TMX4: variants seen among roughly 807,000 people sequenced by gnomAD.
TMX4 encodes the protein thioredoxin related transmembrane protein 4.
A neutral mutation model predicts 33.3 loss-of-function variants in TMX4; 23 were observed. That is an observed-to-expected ratio of 0.69 (90% CI 0.50 to 0.98). The LOEUF is 0.98. Among genes scored for constraint, TMX4 ranks in the 50% least tolerant of loss-of-function variants. The pLI is 0.00. For synonymous variants in TMX4, 164 were observed against 161.5 expected, an observed-to-expected ratio of 1.02 and a Z score of -0.12; for missense variants, 399 against 448.9, an observed-to-expected ratio of 0.89 and a Z score of 1.01.
chr20:8,011,156 T>G (rs958146735), intron 1 of TMX4, among the ~76,000 whole-genome samples: 2 of 152,142 alleles, frequency 1.3e-5, no homozygotes, highest in Non-Finnish European at 2.9e-5. Context: ...CTGAGCATTT[T>G]TAAAATGCCA....
At chr20:7,991,566 T>C (rs1433051664) in intron 5 of TMX4, among the ~76,000 whole-genome samples, 1 of 152,170 alleles carries the variant, frequency 6.6e-6, no homozygotes, top group Non-Finnish European at 1.5e-5. Context: ...GCATTTTGGA[T>C]TTTGGATTTT....
chr20:7,987,134 A>C (rs906912084), intron 6 of TMX4, among the ~76,000 whole-genome samples, 154 bp downstream of exon 6: 2 of 151,916 alleles, frequency 1.3e-5, no homozygotes, highest in African/African-American at 4.8e-5. Flanking sequence ...TCACATTACC[A>C]TTGAAAGCAG....
chr20:8,007,134 T>C (rs2050734404), intron 2 of TMX4, among the ~76,000 whole-genome samples: 1 of 152,214 alleles, frequency 6.6e-6, no homozygotes. Context: ...AGATCATAGA[T>C]AATCTGAATT....
rs1348211895 is a variant in TMX4, at chr20:7,978,922, G to C, written c.*3329C>G. The C allele has an allele frequency of 2.0e-5, 3 of 152,122 alleles. No individual in the cohort carries two copies. Among genetic ancestry groups the C allele is most frequent in the South Asian group, 4.1e-4 (2 of 4,820 alleles). The allele number at this position is 152,122 out of a possible 1,614,324, so 9.4% of individuals were successfully genotyped here. On this transcript the variant is annotated 3_prime_UTR_variant, in exon 8 of 8. Transcript: ENST00000246024. Reference sequence around the variant, plus strand: ...AAACTTTCCTTCTAATTGATGAAAAGATACCCTGCTCCAACTCCCCAAACA... The same window carrying C: ...AAACTTTCCTTCTAATTGATGAAAACATACCCTGCTCCAACTCCCCAAACA...
Position 8,010,329 on chromosome 20 carries a change from A to AT in TMX4, c.177-15dup, listed in dbSNP as rs2050747907. ...CATGGGGCGTAACTATAAGAGAAGA[A>AT]TAAGAATTATATTGATAAATATACA... On this transcript the variant is annotated splice_polypyrimidine_tract_variant and intron_variant, in intron 1 of 7. Transcript: ENST00000246024. The AT allele has an allele frequency of 6.4e-7, 1 of 1,556,804 alleles. No homozygotes were observed. The highest frequency in any genetic ancestry group is 1.4e-5 in the African/African-American group (1 of 73,326).
chr20:7,993,656 T>C (rs1472641795), intron 5 of TMX4, among the ~76,000 whole-genome samples: 1 of 152,066 alleles, frequency 6.6e-6, no homozygotes, highest in East Asian at 1.9e-4. Flanking sequence ...GAGACCTACC[T>C]ACAGATCTGA....
intron 4 of TMX4, among the ~76,000 whole-genome samples, chr20:7,996,879 G>A (rs2050678732): frequency 6.6e-6 from 1 of 152,042 alleles, no homozygotes; most frequent in South Asian, 2.1e-4. Context: ...TACACATGCT[G>A]TTTCTTCTCT....
At position 7,978,612 on chromosome 20, in the gene TMX4, A is replaced by G. The variant is rs1349041464; in HGVS notation, c.*3639T>C. 1 of 152,142 alleles carries G rather than the reference A, an allele frequency of 6.6e-6. No homozygotes were observed. The highest frequency in any genetic ancestry group is 1.5e-5 in the Non-Finnish European group (1 of 68,026). 9.4% of individuals were successfully genotyped at this position (152,142 alleles called of 1,614,324 possible). On this transcript the variant is annotated 3_prime_UTR_variant, in exon 8 of 8. Coordinates refer to ENST00000246024, the MANE Select transcript of TMX4 (RefSeq NM_021156.4). The stretch of plus-strand genomic sequence containing the variant: ...AGCTGAAGCTTATCTATTTTCTACT[A>G]CAGTAGTTATTTTGAATGTATAGAG...
At chr20:8,009,861 T>TAAAAAAAAAAAAAAAAAAA (rs11289988) in intron 2 of TMX4, among the ~76,000 whole-genome samples, 1 of 84,606 alleles carries the variant, frequency 1.2e-5, no homozygotes. Context: ...CAAAAAACTG[T>TAAAAAAAAAAAAAAAAAAA]AAAAAAAAAA....
Position 8,009,807 on chromosome 20 carries a change from T to A in TMX4, c.292+393A>T, listed in dbSNP as rs185172317. 4.1e-3 allele frequency among the ~76,000 whole-genome samples: 596 copies of A among 147,078 alleles called. 6 individuals carry two copies. The highest frequency in any genetic ancestry group is 0.013 in the African/African-American group (526 of 39,298). ...GTTGATTGCAAGAGACTAAAAAGACTTAACAACCAAATGTAATTTATGAAC... is the reference window on the plus strand; with the variant it reads ...GTTGATTGCAAGAGACTAAAAAGACATAACAACCAAATGTAATTTATGAAC... On this transcript the variant is annotated intron_variant, in intron 2 of 7. Transcript: ENST00000246024.
rs746068803 is a variant in TMX4, at chr20:7,982,439, C to T, written c.862G>A (p.Gly288Ser). The part of the protein sequence containing the change: ...EEEEEDNLAA[G>S]VDEERSEAND... ...GCCTCACTTCTCTCCTCATCCACAC[C>T]AGCAGCCAAGTTGTCCTCCTCCTCT... The change falls in exon 8 of 8, where the codon GGT (glycine) becomes AGT (serine). Residue 288 changes from glycine to serine, a missense_variant. By Grantham distance (56) the Gly-to-Ser change is moderately conservative. Coordinates refer to ENST00000246024, the MANE Select transcript of TMX4 (RefSeq NM_021156.4). 17 of 1,614,038 alleles carry T rather than the reference C, an allele frequency of 1.1e-5. No homozygotes were observed. In the East Asian group the frequency reaches 3.6e-4, roughly 34 times the overall value.
chr20:8,018,343 G>GTGTCTC (rs1568540879), intron 1 of TMX4, among the ~76,000 whole-genome samples: 2 of 88,336 alleles, frequency 2.3e-5, no homozygotes, highest in Admixed American at 1.2e-4. Context: ...GAGAGAGAGA[G>GTGTCTC]AGGAGGGAGA....
At chr20:8,018,805 TA>T (rs1360230954) in intron 1 of TMX4, 1 of 237,254 alleles carries the variant, frequency 4.2e-6, no homozygotes, top group Admixed American at 5.9e-5. Flanking sequence ...TTACAAGTTA[TA>T]ATAAGTATCA....
intron 5 of TMX4, among the ~76,000 whole-genome samples, chr20:7,991,135 G>A (rs577317184): frequency 2.0e-5 from 3 of 152,140 alleles, no homozygotes; most frequent in East Asian, 1.9e-4. Context: ...TTTCTGTCAC[G>A]TCATTCTAAT....
chr20:8,010,515 G>GA (rs2050748642), intron 1 of TMX4, among the ~76,000 whole-genome samples, 200 bp from the exon 2 acceptor site: 1 of 152,042 alleles, frequency 6.6e-6, no homozygotes, highest in Non-Finnish European at 1.5e-5. Context: ...AATTCTATAG[G>GA]AAAAAATTTG....
chr20:8,019,377 G>A, intron 1 of TMX4, 61 bp downstream of exon 1: 9 of 1,488,402 alleles, frequency 6.0e-6, no homozygotes, highest in Non-Finnish European at 8.1e-6. Context: ...GGGCCGCGCG[G>A]GCTTGGGAGG....
At chr20:7,987,458 C>CTA in intron 5 of TMX4, 69 bp from the exon 6 acceptor site, 1 of 1,139,278 alleles carries the variant, frequency 8.8e-7, no homozygotes, top group Non-Finnish European at 1.2e-6. Flanking sequence ...ATCTCTCTCT[C>CTA]TAGCTGTTGT....
chr20:7,997,391 A>C (rs1007009870), intron 4 of TMX4, among the ~76,000 whole-genome samples: 1 of 152,016 alleles, frequency 6.6e-6, no homozygotes, highest in Non-Finnish European at 1.5e-5. Context: ...TCAATCTTTT[A>C]ATTCAGAGTT....
Position 7,979,264 on chromosome 20 carries a change from T to C in TMX4, c.*2987A>G, listed in dbSNP as rs529204511. 4 of 152,212 alleles carry C rather than the reference T, an allele frequency of 2.6e-5. No homozygotes were observed. The South Asian group carries it at 8.3e-4, about 32-fold the overall frequency. 9.4% of individuals were successfully genotyped at this position (152,212 alleles called of 1,614,324 possible). Reference sequence around the variant, plus strand: ...AAGTATTGAAAACAAACCTAAAATCTTCAAGTGGAAAGATATTAAATTAAA... The same window carrying C: ...AAGTATTGAAAACAAACCTAAAATCCTCAAGTGGAAAGATATTAAATTAAA... On this transcript the variant is annotated 3_prime_UTR_variant, in exon 8 of 8. Transcript: ENST00000246024.
Sources: gnomAD v4.1 joint callset for allele counts (sites outside exome capture counted in the v4.1 genomes callset) on GRCh38, gnomAD v4.1.1 for gene constraint, MANE v1.5 for transcripts, NCBI Gene and HGNC (gene_info 2026-07-23, HGNC 2026-07-21) for gene names.